Variants in ANGPTL2 observed in about 807,000 individuals in gnomAD.
The protein encoded by ANGPTL2 is angiopoietin like 2.
A neutral mutation model predicts 52.8 loss-of-function variants in ANGPTL2; 25 were observed. The ratio of observed to expected loss-of-function variants is 0.47; its 90% CI spans 0.35 to 0.66. The LOEUF is 0.66. Ranked by LOEUF, ANGPTL2 falls within the 30% of genes least tolerant of loss-of-function variation. ANGPTL2 has a pLI of 0.01. For synonymous variants in ANGPTL2, 276 were observed against 277.4 expected (o/e 1.00, Z 0.05); for missense variants, 546 against 656.9 (o/e 0.83, Z 1.84).
intron 1 of ANGPTL2, among the ~76,000 whole-genome samples, chr9:127,113,788 G>A (rs1328989914): frequency 1.3e-5 from 2 of 152,212 alleles, no homozygotes; most frequent in African/African-American, 2.4e-5. Context: ...CCAGGGCTTG[G>A]GTCCCACCCA....
chr9:127,091,594 C>T lies in ANGPTL2; in HGVS notation c.1282+76G>A, dbSNP rs951937063. 41 of 1,547,126 alleles carry T rather than the reference C, an allele frequency of 2.7e-5. No individual in the cohort carries two copies. The highest frequency in any genetic ancestry group is 5.2e-6 in the Non-Finnish European group (6 of 1,145,704). ...CCCTGGGATCTTCCCGTTTCCAAGCCCTGGAGTCAGGGGCTCTGGCTCTGG... is the reference window on the plus strand; with the variant it reads ...CCCTGGGATCTTCCCGTTTCCAAGCTCTGGAGTCAGGGGCTCTGGCTCTGG... On this transcript the variant is annotated intron_variant, in intron 4 of 4. Transcript: ENST00000373425. This position sits in a 1 kb window ranked among gnomAD's most constrained non-coding sequence, Gnocchi z 4.3.
At chr9:127,095,586 C>G (rs1343120880) in intron 2 of ANGPTL2, among the ~76,000 whole-genome samples, 3 of 152,328 alleles carry the variant, frequency 2.0e-5, no homozygotes, top group Middle Eastern at 3.4e-3. Context: ...CGCTCTGACG[C>G]CCTGCAAGGG....
chr9:127,108,424 A>G lies in ANGPTL2; in HGVS notation c.308T>C (p.Ile103Thr). The G allele has an allele frequency of 6.2e-7, 1 of 1,607,712 alleles. No homozygotes were observed. Among genetic ancestry groups the G allele is most frequent in the South Asian group, 1.1e-5 (1 of 90,746 alleles). The change falls in exon 2 of 5, where the codon ATC becomes ACC. Residue 103 changes from isoleucine to threonine, a missense_variant. Transcript: ENST00000373425. ...CTCCACCAGCTGCTGCAGCGTCTCG[A>G]TCTGCCGCTTCTGCTTGAGCAGCTC... ...NNELLKQKRQ[I>T]ETLQQLVEVD... is the part of the protein sequence containing the mutation.
intron 4 of ANGPTL2, among the ~76,000 whole-genome samples, chr9:127,090,118 A>G (rs2052288879): frequency 6.6e-6 from 1 of 152,164 alleles, no homozygotes; most frequent in Non-Finnish European, 1.5e-5. Context: ...GGCCACAGGG[A>G]CCAAGTGGCA....
At chr9:127,103,771 G>A (rs1461920346) in intron 2 of ANGPTL2, among the ~76,000 whole-genome samples, 1 of 152,218 alleles carries the variant, frequency 6.6e-6, no homozygotes, top group African/African-American at 2.4e-5. Flanking sequence ...GTGGTACCAG[G>A]AAGTAGAGCT....
intron 1 of ANGPTL2, among the ~76,000 whole-genome samples, chr9:127,116,801 G>T (rs1027498826): frequency 1.3e-5 from 2 of 152,210 alleles, no homozygotes; most frequent in Non-Finnish European, 2.9e-5. Context: ...GCTCTTTGAG[G>T]CAGGGGCTAT....
Position 127,108,105 on chromosome 9 carries a change from C to G in ANGPTL2, c.627G>C (p.Ser209=). 6.2e-7 allele frequency: 1 copy of G among 1,612,598 alleles called. No individual in the cohort carries two copies. The highest frequency in any genetic ancestry group is 1.3e-5 in the African/African-American group (1 of 74,968). Residue 209 remains serine, a synonymous_variant, in exon 2 of 5, where the codon TCG becomes TCC. Coordinates refer to ENST00000373425, the MANE Select transcript of ANGPTL2 (RefSeq NM_012098.3). ...QLEEHCQRVP[S]ARPVPQPPPA... is the part of the protein sequence containing the mutation. ...GGGGTGGCTGGGGGACGGGCCTGGC[C>G]GAGGGCACCCTCTGGCAGTGCTCCT...
intron 2 of ANGPTL2, among the ~76,000 whole-genome samples, chr9:127,103,649 G>A (rs1427971519): frequency 6.6e-6 from 1 of 152,200 alleles, no homozygotes; most frequent in African/African-American, 2.4e-5. Flanking sequence ...GGGAGGGGGA[G>A]CATGATGTTG....
chr9:127,097,405 C>G (rs897723874), intron 2 of ANGPTL2, among the ~76,000 whole-genome samples: 23 of 152,248 alleles, frequency 1.5e-4, no homozygotes, highest in African/African-American at 5.5e-4. Context: ...CGGAATTTCA[C>G]ATGACAATCA....
Position 127,108,113 on chromosome 9 carries a change from C to A in ANGPTL2, c.619G>T (p.Val207Leu), listed in dbSNP as rs779672736. ...IAQLEEHCQR[V>L]PSARPVPQPP... ...TGGGGGACGGGCCTGGCCGAGGGCACCCTCTGGCAGTGCTCCTCAAGCTGC... is the reference window on the plus strand; with the variant it reads ...TGGGGGACGGGCCTGGCCGAGGGCAACCTCTGGCAGTGCTCCTCAAGCTGC... The change falls in exon 2 of 5, where the codon GTG (valine) becomes TTG (leucine). Residue 207 changes from valine (V) to leucine (L), a missense_variant. Transcript: ENST00000373425. 16 of 1,613,236 alleles carry A rather than the reference C, an allele frequency of 9.9e-6. No homozygotes were observed. In the South Asian group the frequency reaches 1.8e-4, roughly 18 times the overall value.
chr9:127,093,656 C>G (rs1162363201), intron 3 of ANGPTL2, 77 bp downstream of exon 3: 1 of 1,550,014 alleles, frequency 6.5e-7, no homozygotes. Flanking sequence ...GTGGGCTCTT[C>G]TATTGGTTGC....
chr9:127,103,591 C>T (rs1367116567), intron 2 of ANGPTL2, among the ~76,000 whole-genome samples: 1 of 152,196 alleles, frequency 6.6e-6, no homozygotes, highest in Non-Finnish European at 1.5e-5. Context: ...GAGTCAGGTG[C>T]ACGTTGTACT....
At chr9:127,120,143 C>G (rs2055895013) in intron 1 of ANGPTL2, among the ~76,000 whole-genome samples, 1 of 152,192 alleles carries the variant, frequency 6.6e-6, no homozygotes, top group African/African-American at 2.4e-5. Context: ...TCCTCTGCAA[C>G]TCCGGGGCAA....
Position 127,091,575 on chromosome 9 carries a change from G to A in ANGPTL2, c.1282+95C>T, listed in dbSNP as rs879029742. The stretch of plus-strand genomic sequence containing the variant: ...TTGGCCCAGCTGCTTCTCACCCTGG[G>A]ATCTTCCCGTTTCCAAGCCCTGGAG... On this transcript the variant is annotated intron_variant, in intron 4 of 4. Transcript: ENST00000373425. This position sits in a 1 kb window ranked among gnomAD's most constrained non-coding sequence, Gnocchi z 4.3. 3.1e-5 allele frequency: 46 copies of A among 1,503,818 alleles called. No homozygotes were observed. In the South Asian group the frequency reaches 5.7e-4, roughly 19 times the overall value. The allele number at this position is 1,503,818 out of a possible 1,614,324, so 93.2% of individuals were successfully genotyped here.
chr9:127,092,729 C>T (rs908989669), intron 3 of ANGPTL2, among the ~76,000 whole-genome samples: 1 of 152,058 alleles, frequency 6.6e-6, no homozygotes, highest in African/African-American at 2.4e-5. Flanking sequence ...AACCAAGAAC[C>T]CAGTCTTAAT....
intron 1 of ANGPTL2, among the ~76,000 whole-genome samples, chr9:127,111,312 C>A (rs972156775): frequency 3.3e-5 from 5 of 152,226 alleles, no homozygotes; most frequent in African/African-American, 1.2e-4. Context: ...ATTCCCCCTC[C>A]AGTGTCCTTA....
At chr9:127,102,257 C>T (rs1050046745) in intron 2 of ANGPTL2, among the ~76,000 whole-genome samples, 1 of 151,552 alleles carries the variant, frequency 6.6e-6, no homozygotes, top group South Asian at 2.1e-4. Flanking sequence ...GTTTATTTGG[C>T]TCACAGTTAT....
intron 2 of ANGPTL2, among the ~76,000 whole-genome samples, chr9:127,106,588 C>T (rs535266800): frequency 3.3e-5 from 5 of 152,326 alleles, no homozygotes; most frequent in East Asian, 1.9e-4. Context: ...CAGAGCTAAT[C>T]AGTGGTGGAA....
chr9:127,100,988 T>C (rs2787593), intron 2 of ANGPTL2, among the ~76,000 whole-genome samples: 3,702 of 152,288 alleles, frequency 0.024, 56 homozygotes, highest in Middle Eastern at 0.048. Flanking sequence ...AAGCAGGACA[T>C]TTGTCTGGCA....
Sources: allele counts gnomAD v4.1 joint callset (sites outside exome capture counted in the v4.1 genomes callset), GRCh38; gene constraint gnomAD v4.1.1; non-coding constraint Gnocchi (gnomAD v3.1); transcripts MANE v1.5; gene names NCBI Gene and HGNC (gene_info 2026-07-23, HGNC 2026-07-21).